Variants in FHIT observed in about 807,000 individuals in gnomAD.
The protein encoded by FHIT is fragile histidine triad diadenosine triphosphatase, also known as bis(5'-adenosyl)-triphosphatase.
Under a neutral mutation model 17.9 loss-of-function variants are expected in FHIT, and 19 were observed. That is an observed-to-expected ratio of 1.06 (90% CI 0.74 to 1.56). The LOEUF is 1.56. FHIT is among the 40% of genes most tolerant of loss of function. The pLI is 0.00. For missense variants in FHIT, 248 were observed against 189.2 expected (o/e 1.31, Z -1.82); for synonymous variants, 81 against 69.7 (o/e 1.16, Z -0.81).
At chr3:61,055,580 T>A (rs1484343207) in intron 2 of FHIT, among the ~76,000 whole-genome samples, 2 of 152,194 alleles carry the variant, frequency 1.3e-5, no homozygotes, top group Non-Finnish European at 2.9e-5. Flanking sequence ...TAGAACCAAG[T>A]ACTCTACAGT....
At chr3:60,446,269 G>C (rs147858264) in intron 5 of FHIT, among the ~76,000 whole-genome samples, 2 of 152,244 alleles carry the variant, frequency 1.3e-5, no homozygotes, top group East Asian at 3.9e-4. Flanking sequence ...TGATGTGTCT[G>C]AGGATTTTAA....
intron 2 of FHIT, among the ~76,000 whole-genome samples, chr3:61,164,210 T>C (rs1436155352): frequency 6.6e-6 from 1 of 152,168 alleles, no homozygotes; most frequent in African/African-American, 2.4e-5. Context: ...AGTCCTCTCA[T>C]CTTCTCCAAA....
rs181696955 is a variant in FHIT, at chr3:60,763,053, T to G, written c.-18+58866A>C. The stretch of plus-strand genomic sequence containing the variant: ...ACTGAATGCAATTCTCTCTGACACA[T>G]CTGAGATCACCACTTCATACACTGT... On this transcript the variant is annotated intron_variant, in intron 4 of 9. Transcript: ENST00000492590. Among the ~76,000 whole-genome samples, 453 of 152,202 alleles carry G rather than the reference T, an allele frequency of 3.0e-3. 3 individuals carry two copies. Among genetic ancestry groups the G allele is most frequent in the African/African-American group, 0.01 (417 of 41,500 alleles).
At position 60,806,224 on chromosome 3, in the gene FHIT, G is replaced by A. The variant is rs116047862; in HGVS notation, c.-18+15695C>T. 6.8e-3 allele frequency among the ~76,000 whole-genome samples: 1,033 copies of A among 152,276 alleles called. 1 individual carries two copies. Among genetic ancestry groups the A allele is most frequent in the Non-Finnish European group, 0.011 (729 of 68,026 alleles). On this transcript the variant is annotated intron_variant, in intron 4 of 9. Transcript: ENST00000492590. The stretch of plus-strand genomic sequence containing the variant: ...GGGGCTCAGTTGCTTCTCTCTTAGA[G>A]GCAGGAAAACATCAGCACCCCAGGC...
At chr3:60,293,847 A>G (rs953629921) in intron 5 of FHIT, among the ~76,000 whole-genome samples, 2 of 152,172 alleles carry the variant, frequency 1.3e-5, no homozygotes, top group African/African-American at 4.8e-5. Context: ...ACATGAATTA[A>G]GTCCTATTTT....
intron 4 of FHIT, chr3:60,690,844 C>T (rs1229013243): frequency 3.2e-6 from 1 of 308,278 alleles, no homozygotes; most frequent in African/African-American, 2.2e-5. Flanking sequence ...GTTTAAGAAT[C>T]TCCTAGAGAG....
intron 7 of FHIT, among the ~76,000 whole-genome samples, chr3:59,976,466 TTCTTTAGAAACTTTG>T (rs1412675906): frequency 6.6e-6 from 1 of 151,984 alleles, no homozygotes; most frequent in Non-Finnish European, 1.5e-5. Flanking sequence ...AAGTCAAAGT[TTCTTTAGAAACTTTG>T]TCTTAAGAAT....
At chr3:60,267,490 A>C (rs944702500) in intron 5 of FHIT, among the ~76,000 whole-genome samples, 1 of 152,162 alleles carries the variant, frequency 6.6e-6, no homozygotes, top group African/African-American at 2.4e-5. Context: ...TAAATTACTC[A>C]GTAGGTAAAG....
chr3:60,212,053 C>T (rs1002705782), intron 5 of FHIT, among the ~76,000 whole-genome samples: 3 of 152,164 alleles, frequency 2.0e-5, no homozygotes. Flanking sequence ...GTGGCCAAGT[C>T]TGCTCACGCC....
intron 3 of FHIT, among the ~76,000 whole-genome samples, chr3:60,858,799 C>G (rs1157970695): frequency 6.6e-6 from 1 of 152,166 alleles, no homozygotes; most frequent in African/African-American, 2.4e-5. Flanking sequence ...AGTTTGCTGT[C>G]AAGATTCCTA....
At chr3:60,172,533 C>A (rs1048932753) in intron 5 of FHIT, among the ~76,000 whole-genome samples, 1 of 151,982 alleles carries the variant, frequency 6.6e-6, no homozygotes, top group Non-Finnish European at 1.5e-5. Context: ...GCCTTGGCCT[C>A]CCAAAGTGCT....
intron 7 of FHIT, among the ~76,000 whole-genome samples, chr3:60,000,629 T>G (rs954604848): frequency 1.3e-5 from 2 of 151,800 alleles, no homozygotes; most frequent in African/African-American, 4.8e-5. Flanking sequence ...ACAACCACAG[T>G]GCCTAAGATA....
At chr3:59,782,911 CT>C (rs1702661644) in intron 8 of FHIT, among the ~76,000 whole-genome samples, 1 of 152,102 alleles carries the variant, frequency 6.6e-6, no homozygotes, top group East Asian at 1.9e-4. Flanking sequence ...AGGAAGATTG[CT>C]GGAATTTCAA....
intron 4 of FHIT, among the ~76,000 whole-genome samples, chr3:60,660,652 T>C (rs1310453610): frequency 6.6e-6 from 1 of 151,328 alleles, no homozygotes; most frequent in Non-Finnish European, 1.5e-5. Flanking sequence ...TTTTAATAGA[T>C]GGGTAATGAT....
intron 4 of FHIT, among the ~76,000 whole-genome samples, chr3:60,818,450 T>C (rs2106752521): frequency 6.6e-6 from 1 of 152,296 alleles, no homozygotes; most frequent in Non-Finnish European, 1.5e-5. Flanking sequence ...GCAGCTCGAA[T>C]CTCAGTTCAG....
chr3:60,066,708 GT>G (rs1702527417), intron 5 of FHIT, among the ~76,000 whole-genome samples: 1 of 128,512 alleles, frequency 7.8e-6, no homozygotes, highest in Admixed American at 9.7e-5. Flanking sequence ...CCAGGCTGGA[GT>G]GCAGAGGCAC....
chr3:61,025,335 A>G (rs1031724341), intron 3 of FHIT, among the ~76,000 whole-genome samples: 1 of 152,198 alleles, frequency 6.6e-6, no homozygotes, highest in Non-Finnish European at 1.5e-5. Context: ...GCAGTAGAGT[A>G]AAGGCCCCAA....
chr3:60,029,891 GTGTGTC>G (rs1227597672), intron 5 of FHIT, among the ~76,000 whole-genome samples: 32 of 105,102 alleles, frequency 3.0e-4, no homozygotes, highest in Admixed American at 9.9e-4. Context: ...GTGTGTGTGT[GTGTGTC>G]TGTGTGTGTG....
At chr3:60,895,719 T>C (rs985528360) in intron 3 of FHIT, among the ~76,000 whole-genome samples, 1 of 133,456 alleles carries the variant, frequency 7.5e-6, no homozygotes, top group Non-Finnish European at 1.7e-5. Context: ...TCTTTCTTTC[T>C]TTCTTTCTTT....
Sources: allele counts gnomAD v4.1 joint callset (sites outside exome capture counted in the v4.1 genomes callset), GRCh38; gene constraint gnomAD v4.1.1; transcripts MANE v1.5; gene names NCBI Gene and HGNC (gene_info 2026-07-23, HGNC 2026-07-21).